TMBIM4: variants seen among roughly 807,000 people sequenced by gnomAD.
The protein encoded by TMBIM4 is protein lifeguard 4.
TMBIM4 carries 28 observed loss-of-function variants against 27.7 expected under a neutral mutation model. The observed-to-expected ratio is 1.01, with a 90% CI of 0.75 to 1.38. The LOEUF (loss-of-function observed/expected upper bound fraction) is 1.38. TMBIM4 is among the 40% of genes most tolerant of loss of function. The pLI, the probability that TMBIM4 is intolerant of heterozygous loss-of-function variation, is 0.00. For synonymous variants in TMBIM4, 115 were observed against 113.1 expected (o/e 1.02, Z -0.11); for missense variants, 265 against 277.5 (o/e 0.95, Z 0.32).
chr12:66,150,101 A>G (rs2051820245), intron 3 of TMBIM4, among the ~76,000 whole-genome samples: 1 of 152,214 alleles, frequency 6.6e-6, no homozygotes, highest in South Asian at 2.1e-4. Flanking sequence ...TTTGGTTGAT[A>G]CTTTTCTAGT....
intron 1 of TMBIM4, chr12:66,169,303 G>C (rs1235521432): frequency 1.1e-5 from 8 of 696,130 alleles, no homozygotes; most frequent in Admixed American, 2.1e-5. Context: ...GGAAGCTTCT[G>C]TGTTGAGCAA....
intron 1 of TMBIM4, among the ~76,000 whole-genome samples, chr12:66,154,502 G>A (rs1174210938): frequency 6.6e-6 from 1 of 152,148 alleles, no homozygotes; most frequent in Admixed American, 6.5e-5. Context: ...AATTTTACTA[G>A]TCAGGGAAGA....
intron 4 of TMBIM4, 70 bp downstream of exon 4, chr12:66,147,838 C>A: frequency 7.7e-7 from 1 of 1,296,974 alleles, no homozygotes; most frequent in African/African-American, 1.5e-5. Context: ...GCCCCAAATA[C>A]CTTTTTACCT....
At chr12:66,147,422 T>G (rs2051768862) in intron 4 of TMBIM4, among the ~76,000 whole-genome samples, 1 of 152,202 alleles carries the variant, frequency 6.6e-6, no homozygotes, top group Non-Finnish European at 1.5e-5. Context: ...AGAAACGGCC[T>G]TCAAACACAT....
intron 3 of TMBIM4, among the ~76,000 whole-genome samples, chr12:66,149,569 T>C (rs1023759649): frequency 4.6e-5 from 7 of 151,878 alleles, no homozygotes; most frequent in African/African-American, 1.5e-4. Context: ...CATTCAAGTA[T>C]CTAAGGAAAC....
intron 1 of TMBIM4, among the ~76,000 whole-genome samples, chr12:66,155,106 A>ATG (rs2051909797): frequency 6.6e-6 from 1 of 152,222 alleles, no homozygotes; most frequent in Non-Finnish European, 1.5e-5. Context: ...AGTAAAGAAT[A>ATG]TACTACTGGC....
At chr12:66,154,535 A>G (rs1026470737) in intron 1 of TMBIM4, among the ~76,000 whole-genome samples, 4 of 152,250 alleles carry the variant, frequency 2.6e-5, no homozygotes, top group Non-Finnish European at 5.9e-5. Context: ...TTCTGAAATG[A>G]AACAGAATAA....
intron 1 of TMBIM4, among the ~76,000 whole-genome samples, chr12:66,163,042 T>C (rs2052068291): frequency 6.6e-6 from 1 of 152,224 alleles, no homozygotes; most frequent in Non-Finnish European, 1.5e-5. Context: ...TGTTAATGGT[T>C]CAAATGTTTC....
At chr12:66,165,450 C>T (rs2052110355) in intron 1 of TMBIM4, among the ~76,000 whole-genome samples, 1 of 150,810 alleles carries the variant, frequency 6.6e-6, no homozygotes, top group Non-Finnish European at 1.5e-5. Context: ...CACGGTCTCC[C>T]TCTGTTGCCT....
intron 1 of TMBIM4, among the ~76,000 whole-genome samples, chr12:66,156,376 C>A (rs1023594251): frequency 6.6e-6 from 1 of 152,164 alleles, no homozygotes; most frequent in African/African-American, 2.4e-5. Flanking sequence ...TTGATTACCC[C>A]CTCCCTGTTC....
Position 66,152,370 on chromosome 12 carries a change from G to T in TMBIM4, c.213C>A (p.Ala71=). ...ATCCGAGGGCAAACAGCAAAATTAA[G>T]GCAGGACTGAAAGACATAATATTAA... ...SVRTFVHESP[A]LILLFALGSL... The change falls in exon 3 of 7, where the codon GCC becomes GCA. Residue 71 remains alanine (A), a synonymous_variant. Transcript: ENST00000358230. 6.2e-7 allele frequency: 1 copy of T among 1,604,932 alleles called. No homozygotes were observed. Among genetic ancestry groups the T allele is most frequent in the South Asian group, 1.1e-5 (1 of 89,968 alleles).
chr12:66,144,101 T>C (rs1213600366), intron 5 of TMBIM4, among the ~76,000 whole-genome samples: 6 of 152,050 alleles, frequency 3.9e-5, no homozygotes, highest in African/African-American at 1.4e-4. Flanking sequence ...TGTAATCAAG[T>C]TTCCATTTTT....
chr12:66,169,592 GAGCCGGGGCGCACACAGGAC>G, intron 1 of TMBIM4: 1 of 451,548 alleles, frequency 2.2e-6, no homozygotes, highest in South Asian at 4.5e-5. Context: ...GCCCGCTGGG[GAGCCGGGGCGCACACAGGAC>G]AGCCGCAAGC....
At chr12:66,161,603 AC>A (rs1202402309) in intron 1 of TMBIM4, among the ~76,000 whole-genome samples, 1 of 152,196 alleles carries the variant, frequency 6.6e-6, no homozygotes, top group African/African-American at 2.4e-5. Context: ...ACAAATGAGA[AC>A]CGCTTATTTA....
chr12:66,143,697 T>C (rs1187075716), intron 5 of TMBIM4, among the ~76,000 whole-genome samples: 1 of 152,188 alleles, frequency 6.6e-6, no homozygotes, highest in Non-Finnish European at 1.5e-5. Flanking sequence ...GATACTACCA[T>C]ACATCCAAAC....
chr12:66,158,384 T>C (rs1356362623), intron 1 of TMBIM4, among the ~76,000 whole-genome samples: 1 of 151,972 alleles, frequency 6.6e-6, no homozygotes, highest in East Asian at 1.9e-4. Context: ...CTCATGCCTG[T>C]AATCCCAGCA....
intron 1 of TMBIM4, chr12:66,160,347 A>G (rs1565787854): frequency 1.7e-6 from 1 of 600,078 alleles, no homozygotes; most frequent in East Asian, 2.9e-5. Flanking sequence ...TACTCTTTTG[A>G]CTCTATCATT....
chr12:66,158,239 A>C (rs548986418), intron 1 of TMBIM4, among the ~76,000 whole-genome samples: 1 of 151,310 alleles, frequency 6.6e-6, no homozygotes, highest in Non-Finnish European at 1.5e-5. Context: ...AAAAAAAAAA[A>C]AACAAAAAAA....
At position 66,136,795 on chromosome 12, in the gene TMBIM4, G is replaced by A. The variant is rs1440063061; in HGVS notation, c.*1165C>T. On this transcript the variant is annotated 3_prime_UTR_variant, in exon 7 of 7. Coordinates refer to ENST00000358230, the MANE Select transcript of TMBIM4 (RefSeq NM_016056.4). ...AGAACTGTGGGAAAACAAATTTCTT[G>A]TTGAAGCCACCCAAGCTGTAGAACT... is the stretch of plus-strand genomic sequence containing the variant. 4 of 152,188 alleles carry A rather than the reference G, an allele frequency of 2.6e-5. No individual in the cohort carries two copies. Among genetic ancestry groups the A allele is most frequent in the Non-Finnish European group, 4.4e-5 (3 of 68,032 alleles). The allele number at this position is 152,188 out of a possible 1,614,324, so 9.4% of individuals were successfully genotyped here.
Sources: allele counts gnomAD v4.1 joint callset (sites outside exome capture counted in the v4.1 genomes callset), GRCh38; gene constraint gnomAD v4.1.1; transcripts MANE v1.5; gene names NCBI Gene and HGNC (gene_info 2026-07-23, HGNC 2026-07-21).